ANTXRL: variants seen among roughly 807,000 people sequenced by gnomAD.
ANTXRL encodes the protein anthrax toxin receptor-like.
In ANTXRL, 63 loss-of-function variants were observed where a neutral mutation model predicts 75.4. The observed-to-expected ratio is 0.84, with a 90% CI of 0.68 to 1.03. ANTXRL has a LOEUF of 1.03. Among genes scored for constraint, ANTXRL ranks in the 50% least tolerant of loss-of-function variants. The pLI is 0.00. For missense variants in ANTXRL, 797 were observed against 789.4 expected, an observed-to-expected ratio of 1.01 and a Z score of -0.12; for synonymous variants, 335 against 291.3, an observed-to-expected ratio of 1.15 and a Z score of -1.53.
At position 46,295,500 on chromosome 10, in the gene ANTXRL, GTTA is replaced by G. The variant is rs1565018761; in HGVS notation, c.393-518_393-516del. On this transcript the variant is annotated intron_variant, in intron 3 of 16. Transcript: ENST00000620264. ...AGTTAGAGTTAGAGTTAGAGTTAGA[GTTA>G]GAGTTAGGAATGTCAACCCCATTGT... Among the ~76,000 whole-genome samples the G allele has an allele frequency of 4.2e-3, 522 of 125,430 alleles. 97 individuals are homozygous for G. The highest frequency in any genetic ancestry group is 0.012 in the Middle Eastern group (3 of 242). The allele number at this position is 125,430 out of a possible 152,430, so 82.3% of individuals were successfully genotyped here. A position where few individuals can be genotyped will look rare whatever the true frequency, so the allele number is the denominator to read the frequency against.
At chr10:46,286,548 C>T (rs1836774123), upstream of ANTXRL, 1 of 152,264 alleles carries the variant, frequency 6.6e-6, no homozygotes, top group African/African-American at 2.4e-5. Flanking sequence ...AGTGCCTGAT[C>T]CTCAGAACCT....
chr10:46,294,716 G>T (rs1554958013), intron 3 of ANTXRL, among the ~76,000 whole-genome samples: 1 of 152,180 alleles, frequency 6.6e-6, no homozygotes, highest in Non-Finnish European at 1.5e-5. Context: ...AAGTCTATGG[G>T]GGAGGACTGT....
In ANTXRL at chr10:46,329,772, C is replaced by G. The variant is rs1554967195; in HGVS notation, c.1584C>G (p.Cys528Trp). 1 of 1,534,346 alleles carries G rather than the reference C, an allele frequency of 6.5e-7. No individual in the cohort carries two copies. The highest frequency in any genetic ancestry group is 1.2e-5 in the South Asian group (1 of 83,966). Reference sequence around the variant, plus strand: ...GCCTCGCCCTCAAACAGGCTCGCTGCAGCCCAAACATCTGCCTGAGACACA... The same window carrying G: ...GCCTCGCCCTCAAACAGGCTCGCTGGAGCCCAAACATCTGCCTGAGACACA... Reference protein sequence around the residue: ...RECLALKQARCSPNICLRHSQ... With the variant: ...RECLALKQARWSPNICLRHSQ... Residue 528 changes from cysteine (C) to tryptophan (W), a missense_variant, in exon 17 of 17, where the codon TGC becomes TGG. Cys to Trp is a radical substitution (Grantham distance 215). Around this residue, in one of 3 missense-constraint regions of ANTXRL, gnomAD observed 479 missense variants for 422.0 expected, o/e 1.14. Transcript: ENST00000620264.
rs1429230555 is a variant in ANTXRL at position 46,298,942 on chromosome 10, C to T, written c.796+880C>T. On this transcript the variant is annotated intron_variant, in intron 9 of 16. Coordinates refer to ENST00000620264, the MANE Select transcript of ANTXRL (RefSeq NM_001278688.3). ...TGTCTATTGGTGTGGGGGCAATATG[C>T]GGGGGTGGTGGTGTGAGTACCTTTG... Among the ~76,000 whole-genome samples the T allele has an allele frequency of 4.0e-5, 6 of 149,806 alleles. No homozygotes were observed. The East Asian group carries it at 7.9e-4, about 20-fold the overall frequency.
chr10:46,294,135 C>G (rs566476915), intron 3 of ANTXRL: 1 of 548,190 alleles, frequency 1.8e-6, no homozygotes. Flanking sequence ...CAGCCTCCCC[C>G]ACTTCACGCT....
intron 16 of ANTXRL, 77 bp from the exon 17 acceptor site, chr10:46,329,522 G>C: frequency 1.3e-6 from 2 of 1,489,996 alleles, no homozygotes; most frequent in African/African-American, 2.8e-5. Flanking sequence ...CCATCCCTTT[G>C]AGCCAGGCAA....
In ANTXRL at chr10:46,312,341, C is replaced by T. The variant is rs1169983701; in HGVS notation, c.1329+676C>T. 2.0e-5 allele frequency among the ~76,000 whole-genome samples: 3 copies of T among 148,274 alleles called. No homozygotes were observed. The South Asian group carries it at 6.5e-4, about 32-fold the overall frequency. On this transcript the variant is annotated intron_variant, in intron 15 of 16. Transcript: ENST00000620264. ...CAACAGCCACTCTCCCTGAGGAAAC[C>T]TCCTTCACGGGCGGGTCCAGGGCCC... is the stretch of plus-strand genomic sequence containing the variant.
chr10:46,286,402 C>G (rs1836768367), upstream of ANTXRL: 1 of 152,216 alleles, frequency 6.6e-6, no homozygotes, highest in Non-Finnish European at 1.5e-5. Context: ...CATTCACAGT[C>G]CCAGCTGAGC....
At chr10:46,302,425 C>T (rs1294211794) in intron 9 of ANTXRL, among the ~76,000 whole-genome samples, 9 of 152,272 alleles carry the variant, frequency 5.9e-5, no homozygotes, top group Middle Eastern at 3.4e-3. Flanking sequence ...GCAGGAATAC[C>T]ACTCTGAGCC....
chr10:46,329,556 G>A (rs1554967077), intron 16 of ANTXRL, 43 bp from the exon 17 acceptor site: 6 of 1,519,204 alleles, frequency 3.9e-6, no homozygotes, highest in Admixed American at 2.0e-5. Flanking sequence ...AGCCCAGTTC[G>A]AATGCCATCA....
chr10:46,292,082 G>C lies in ANTXRL; in HGVS notation c.273G>C (p.Trp91Cys). The part of the protein sequence containing the change: ...LDKSGSVNNN[W>C]IDLYMWVEET... The stretch of plus-strand genomic sequence containing the variant: ...GGTCTGGCAGCGTGAACAATAACTG[G>C]ATTGACCTTTATATGTGGGTGGAGG... The change falls in exon 2 of 17, where the codon TGG becomes TGC. Residue 91 changes from tryptophan (W) to cysteine (C), a missense_variant. By Grantham distance (215) the Trp-to-Cys change is radical. Coordinates refer to ENST00000620264, the MANE Select transcript of ANTXRL (RefSeq NM_001278688.3). 1 of 1,536,324 alleles carries C rather than the reference G, an allele frequency of 6.5e-7. No homozygotes were observed.
intron 9 of ANTXRL, among the ~76,000 whole-genome samples, chr10:46,298,816 G>T (rs1837544585): frequency 6.6e-6 from 1 of 151,640 alleles, no homozygotes; most frequent in South Asian, 2.1e-4. Flanking sequence ...GGTGTGTGGT[G>T]TGTGGTGTGA....
At position 46,307,669 on chromosome 10, in the gene ANTXRL, G is replaced by A. The variant is rs550660607; in HGVS notation, c.1044+189G>A. On this transcript the variant is annotated intron_variant, in intron 12 of 16. Transcript: ENST00000620264. ...GTGAGGCTGGGAGGCTGTCTGCCAG[G>A]AGCCAGAGTCCAGCACCTCTAGGCC... Among the ~76,000 whole-genome samples the A allele has an allele frequency of 3.3e-5, 5 of 152,278 alleles. No individual in the cohort carries two copies. The East Asian group carries it at 7.7e-4, about 24-fold the overall frequency.
At chr10:46,321,590 C>A (rs1022379436) in intron 16 of ANTXRL, among the ~76,000 whole-genome samples, 1 of 152,044 alleles carries the variant, frequency 6.6e-6, no homozygotes. Context: ...GACATAATTT[C>A]CAGAAGACCC....
Position 46,296,799 on chromosome 10 carries a change from G to A in ANTXRL, c.509-453G>A, listed in dbSNP as rs144890949. On this transcript the variant is annotated intron_variant, in intron 5 of 16. Transcript: ENST00000620264. ...CTGAACTCCTGGGCCCAGAGATGCCGGCAGGGCTGCCTGCAGGCTCTGCTT... is the reference window on the plus strand; with the variant it reads ...CTGAACTCCTGGGCCCAGAGATGCCAGCAGGGCTGCCTGCAGGCTCTGCTT... Among the ~76,000 whole-genome samples, 868 of 152,232 alleles carry A rather than the reference G, an allele frequency of 5.7e-3. 8 individuals are homozygous for A. The highest frequency in any genetic ancestry group is 0.02 in the African/African-American group (817 of 41,498).
chr10:46,309,009 G>C, intron 12 of ANTXRL, 104 bp from the exon 13 acceptor site: 1 of 1,484,302 alleles, frequency 6.7e-7, no homozygotes, highest in South Asian at 1.3e-5. Context: ...ACCCGGATGC[G>C]GGGCCAGCTA....
chr10:46,289,456 C>G (rs1359632170), intron 1 of ANTXRL, among the ~76,000 whole-genome samples: 1 of 152,166 alleles, frequency 6.6e-6, no homozygotes, highest in Non-Finnish European at 1.5e-5. Context: ...CAGCCGGGAG[C>G]AGTAGCTCCC....
intron 2 of ANTXRL, among the ~76,000 whole-genome samples, chr10:46,292,351 TG>T (rs1287106403): frequency 6.6e-6 from 1 of 152,042 alleles, no homozygotes; most frequent in Non-Finnish European, 1.5e-5. Flanking sequence ...CCAGACATAT[TG>T]CAGGGGAGGC....
chr10:46,324,911 A>G (rs192511621), intron 16 of ANTXRL, among the ~76,000 whole-genome samples: 2 of 152,266 alleles, frequency 1.3e-5, no homozygotes, highest in Admixed American at 6.5e-5. Context: ...CATAGTAGAA[A>G]GGTATATTTT....
Sources: gnomAD v4.1 joint callset for allele counts (sites outside exome capture counted in the v4.1 genomes callset) on GRCh38, gnomAD v4.1.1 for gene constraint, gnomAD v4.1.1 regional missense constraint, MANE v1.5 for transcripts, NCBI Gene and HGNC (gene_info 2026-07-23, HGNC 2026-07-21) for gene names.